Variants in LDLRAD4 observed in about 807,000 individuals in gnomAD.
LDLRAD4 encodes the protein low density lipoprotein receptor class A domain containing 4.
A neutral mutation model predicts 17.0 loss-of-function variants in LDLRAD4; 5 were observed. That is an observed-to-expected ratio of 0.29 (90% CI 0.15 to 0.62). The LOEUF is 0.62. LDLRAD4 is among the 20% of genes least tolerant of loss of function. LDLRAD4 has a pLI of 0.84. For missense variants in LDLRAD4, 340 were observed against 424.7 expected, an observed-to-expected ratio of 0.80 and a Z score of 1.75; for synonymous variants, 168 against 171.8, an observed-to-expected ratio of 0.98 and a Z score of 0.17.
At chr18:13,275,478 C>T (rs76139829), upstream of LDLRAD4, among the ~76,000 whole-genome samples, 5,073 of 152,142 alleles carry the variant, frequency 0.033, 278 homozygotes, top group African/African-American at 0.11. Context: ...TGAATAAGTT[C>T]GGTTGCTGTG....
At chr18:13,248,748 T>G (rs1173240224) in intron 1 of LDLRAD4, among the ~76,000 whole-genome samples, 1 of 152,246 alleles carries the variant, frequency 6.6e-6, no homozygotes, top group African/African-American at 2.4e-5. Flanking sequence ...CATTTGTCAT[T>G]TCTTTGTGCT....
chr18:13,263,748 A>C (rs1043220972), intron 1 of LDLRAD4, among the ~76,000 whole-genome samples: 7 of 152,228 alleles, frequency 4.6e-5, no homozygotes, highest in African/African-American at 1.4e-4. Context: ...AGCTTGAGAC[A>C]CAGCTGGCTG....
chr18:13,609,481 A>G (rs1030300051), intron 3 of LDLRAD4, among the ~76,000 whole-genome samples: 6 of 151,946 alleles, frequency 3.9e-5, no homozygotes, highest in Non-Finnish European at 8.8e-5. Context: ...CAGACTCTAC[A>G]CCATGTCCCC....
intron 1 of LDLRAD4, among the ~76,000 whole-genome samples, chr18:13,360,260 A>G (rs2083583886): frequency 1.3e-5 from 2 of 152,216 alleles, no homozygotes; most frequent in African/African-American, 4.8e-5. Flanking sequence ...AAACAGGTTT[A>G]TTTTAGTTTC....
chr18:13,618,024 T>G (rs1302039683), intron 3 of LDLRAD4, among the ~76,000 whole-genome samples: 2 of 152,198 alleles, frequency 1.3e-5, no homozygotes, highest in Non-Finnish European at 2.9e-5. Flanking sequence ...GCCACACACT[T>G]GCACATATAC....
intron 3 of LDLRAD4, among the ~76,000 whole-genome samples, chr18:13,545,540 T>C (rs928738906): frequency 3.3e-5 from 5 of 152,138 alleles, no homozygotes; most frequent in Admixed American, 2.0e-4. Flanking sequence ...GATCCACTAA[T>C]GGCTTTCTCC....
At chr18:13,538,516 T>A (rs1032494863) in intron 3 of LDLRAD4, among the ~76,000 whole-genome samples, 1 of 149,216 alleles carries the variant, frequency 6.7e-6, no homozygotes, top group African/African-American at 2.5e-5. Context: ...TCATTTAAAA[T>A]TTTGATGTCT....
intron 2 of LDLRAD4, among the ~76,000 whole-genome samples, chr18:13,435,622 C>CA (rs2090603293): frequency 6.6e-6 from 1 of 152,006 alleles, no homozygotes; most frequent in African/African-American, 2.4e-5. Flanking sequence ...AATTTTTAAA[C>CA]TTTTTTGTAG....
intron 1 of LDLRAD4, among the ~76,000 whole-genome samples, chr18:13,376,457 C>T (rs556896672): frequency 2.0e-5 from 3 of 152,334 alleles, no homozygotes; most frequent in East Asian, 1.9e-4. Context: ...CTCTTGCCAG[C>T]GGCATCCTGT....
chr18:13,429,130 C>T (rs188628192), intron 2 of LDLRAD4, among the ~76,000 whole-genome samples: 2 of 152,026 alleles, frequency 1.3e-5, no homozygotes, highest in African/African-American at 2.4e-5. Context: ...CCATGTGCGT[C>T]GGGACATGGG....
chr18:13,499,854 C>T (rs949327847), intron 3 of LDLRAD4, among the ~76,000 whole-genome samples: 5 of 152,240 alleles, frequency 3.3e-5, no homozygotes, highest in Admixed American at 1.3e-4. Context: ...AAAACCTCCA[C>T]GCTCCCTTTC....
rs117661433 is a variant in LDLRAD4, at chr18:13,363,056, C to A, written c.-382-24285C>A. Among the ~76,000 whole-genome samples the A allele has an allele frequency of 2.8e-3, 421 of 152,102 alleles. 11 individuals are homozygous for A. The East Asian group carries it at 0.062, about 22-fold the overall frequency. On this transcript the variant is annotated intron_variant, in intron 1 of 5. Coordinates refer to ENST00000359446, the Ensembl canonical transcript of LDLRAD4. Reference sequence around the variant, plus strand: ...CTAAGAATGGAGAAGGGGGACCAGGCGTGGTGGCTCACGCCTGTAATCCCA... The same window carrying A: ...CTAAGAATGGAGAAGGGGGACCAGGAGTGGTGGCTCACGCCTGTAATCCCA...
intron 3 of LDLRAD4, among the ~76,000 whole-genome samples, chr18:13,445,512 G>A (rs1364306650): frequency 6.6e-6 from 1 of 152,022 alleles, no homozygotes; most frequent in African/African-American, 2.4e-5. Context: ...GTGCATGAAT[G>A]TGCACGTGTG....
intron 3 of LDLRAD4, among the ~76,000 whole-genome samples, chr18:13,476,745 T>C (rs1213566178): frequency 1.3e-5 from 2 of 152,202 alleles, no homozygotes; most frequent in Non-Finnish European, 2.9e-5. Flanking sequence ...CAAGAGCCTC[T>C]GCAGGATCTT....
intron 3 of LDLRAD4, among the ~76,000 whole-genome samples, chr18:13,607,898 A>G (rs146303498): frequency 3.9e-5 from 6 of 152,352 alleles, no homozygotes; most frequent in South Asian, 2.1e-4. Flanking sequence ...TAATGTTGCA[A>G]TAAACATACG....
chr18:13,281,875 A>G (rs1291049000), intron 1 of LDLRAD4, among the ~76,000 whole-genome samples: 1 of 152,146 alleles, frequency 6.6e-6, no homozygotes, highest in Non-Finnish European at 1.5e-5. Context: ...TCAGGGTTGT[A>G]TTAGTCCGGA....
chr18:13,334,362 C>T (rs778408315), intron 1 of LDLRAD4, among the ~76,000 whole-genome samples: 6 of 152,048 alleles, frequency 3.9e-5, no homozygotes, highest in African/African-American at 7.2e-5. Flanking sequence ...CTTAGCCTCC[C>T]GAGTAGCTGG....
chr18:13,533,831 G>A (rs892146747), intron 3 of LDLRAD4, among the ~76,000 whole-genome samples: 39 of 152,184 alleles, frequency 2.6e-4, no homozygotes, highest in African/African-American at 9.2e-4. Context: ...TGACTCTGAT[G>A]TGCCTTTCAC....
At chr18:13,647,524 T>C (rs1252755881) in exon 6 of LDLRAD4, 1 of 151,072 alleles carries the variant, frequency 6.6e-6, no homozygotes, top group Non-Finnish European at 1.5e-5. Flanking sequence ...AGGTGATCCG[T>C]CGGTGCGGTG....
Sources: gnomAD v4.1 joint callset for allele counts (sites outside exome capture counted in the v4.1 genomes callset) on GRCh38, gnomAD v4.1.1 for gene constraint, MANE v1.5 for transcripts, NCBI Gene and HGNC (gene_info 2026-07-23, HGNC 2026-07-21) for gene names.